OPCML: variants seen among roughly 807,000 people sequenced by gnomAD.
OPCML encodes opioid-binding protein/cell adhesion molecule.
Under a neutral mutation model 37.8 loss-of-function variants are expected in OPCML, and 13 were observed. The observed-to-expected ratio is 0.34, with a 90% CI of 0.22 to 0.55. The LOEUF (loss-of-function observed/expected upper bound fraction) is 0.55, where lower values mean the gene tolerates loss of function less well. Among genes scored for constraint, OPCML ranks in the 20% least tolerant of loss-of-function variants. The pLI is 0.91. For synonymous variants in OPCML, 176 were observed against 168.8 expected, an observed-to-expected ratio of 1.04 and a Z score of -0.33; for missense variants, 341 against 435.6, an observed-to-expected ratio of 0.78 and a Z score of 1.93.
intron 1 of OPCML, among the ~76,000 whole-genome samples, chr11:133,129,713 G>A (rs1592029681): frequency 6.6e-6 from 1 of 152,090 alleles, no homozygotes; most frequent in East Asian, 1.9e-4. Flanking sequence ...GACCAACCTG[G>A]GCAACATAGC....
At chr11:133,529,836 G>A (rs1324393806) in intron 1 of OPCML, among the ~76,000 whole-genome samples, 1 of 152,216 alleles carries the variant, frequency 6.6e-6, no homozygotes, top group African/African-American at 2.4e-5. Context: ...AGAGAAAGGA[G>A]AAGTCGCAAG....
intron 2 of OPCML, among the ~76,000 whole-genome samples, chr11:132,893,444 T>C (rs1003912364): frequency 6.6e-6 from 1 of 152,164 alleles, no homozygotes; most frequent in Non-Finnish European, 1.5e-5. Flanking sequence ...TGTGCTTTTG[T>C]TTGGTTCCCT....
At chr11:132,567,228 A>T (rs763208782) in intron 3 of OPCML, among the ~76,000 whole-genome samples, 1 of 152,108 alleles carries the variant, frequency 6.6e-6, no homozygotes, top group South Asian at 2.1e-4. Flanking sequence ...CCCAGTTCTC[A>T]TGGTGAAAAA....
chr11:133,506,340 G>A (rs776564948), intron 1 of OPCML, among the ~76,000 whole-genome samples: 2 of 152,170 alleles, frequency 1.3e-5, no homozygotes, highest in Non-Finnish European at 2.9e-5. Flanking sequence ...CCCTGAGAGG[G>A]TTACTTCCCT....
chr11:132,436,804 T>C (rs772967983), intron 5 of OPCML, 25 bp from the exon 6 acceptor site: 1 of 1,603,276 alleles, frequency 6.2e-7, no homozygotes, highest in Non-Finnish European at 8.5e-7. Flanking sequence ...CACACACACA[T>C]GCACAGGCAT....
chr11:132,672,585 G>A (rs1389304744), intron 2 of OPCML, among the ~76,000 whole-genome samples: 5 of 152,144 alleles, frequency 3.3e-5, no homozygotes, highest in Admixed American at 6.6e-5. Flanking sequence ...TTATTTTAGC[G>A]TAGCTCCAAG....
intron 2 of OPCML, among the ~76,000 whole-genome samples, chr11:132,895,811 T>A (rs1943817565): frequency 6.6e-6 from 1 of 152,056 alleles, no homozygotes; most frequent in Admixed American, 6.6e-5. Flanking sequence ...CCACCCCCCC[T>A]GCCCCTCTTT....
intron 1 of OPCML, among the ~76,000 whole-genome samples, chr11:133,102,230 A>G (rs544867056): frequency 6.6e-6 from 1 of 152,338 alleles, no homozygotes; most frequent in African/African-American, 2.4e-5. Flanking sequence ...AGTTAAATCA[A>G]TTTTATGAAA....
intron 3 of OPCML, among the ~76,000 whole-genome samples, chr11:132,553,138 C>T (rs1035459949): frequency 6.6e-5 from 10 of 152,158 alleles, no homozygotes; most frequent in South Asian, 2.1e-4. Context: ...ATTCAACTTA[C>T]GGTCTTTACC....
intron 4 of OPCML, among the ~76,000 whole-genome samples, chr11:132,481,369 C>G (rs1298565528): frequency 6.6e-6 from 1 of 151,872 alleles, no homozygotes; most frequent in African/African-American, 2.4e-5. Flanking sequence ...GAAGAGCTAA[C>G]TATCCTAAAT....
At chr11:133,350,602 C>T (rs1416092826) in intron 1 of OPCML, among the ~76,000 whole-genome samples, 1 of 152,186 alleles carries the variant, frequency 6.6e-6, no homozygotes, top group Non-Finnish European at 1.5e-5. Context: ...GAAAATCACA[C>T]TTTTCTCTCT....
chr11:132,821,231 C>G (rs1477886880), intron 2 of OPCML, among the ~76,000 whole-genome samples: 1 of 152,188 alleles, frequency 6.6e-6, no homozygotes, highest in African/African-American at 2.4e-5. Context: ...GAGATAACAT[C>G]AGGGCTGGGG....
chr11:133,145,749 C>T (rs1949888568), intron 1 of OPCML, among the ~76,000 whole-genome samples: 1 of 152,154 alleles, frequency 6.6e-6, no homozygotes, highest in Non-Finnish European at 1.5e-5. Context: ...TGGTGCTGTG[C>T]CCTCAGCTGT....
chr11:132,855,886 C>G (rs932482112), intron 2 of OPCML, among the ~76,000 whole-genome samples: 7 of 152,244 alleles, frequency 4.6e-5, no homozygotes, highest in African/African-American at 1.7e-4. Context: ...CTGACAAGAT[C>G]AGCTTCAAGA....
At chr11:132,540,284 G>A (rs893332182) in intron 3 of OPCML, among the ~76,000 whole-genome samples, 1 of 152,116 alleles carries the variant, frequency 6.6e-6, no homozygotes, top group African/African-American at 2.4e-5. Flanking sequence ...ACTCGACCGG[G>A]GATCCTTATA....
chr11:132,636,960 C>T (rs1181282221), intron 3 of OPCML, among the ~76,000 whole-genome samples: 1 of 152,152 alleles, frequency 6.6e-6, no homozygotes, highest in Non-Finnish European at 1.5e-5. Context: ...AATGTATCTG[C>T]ATTACTAGCT....
chr11:132,925,608 C>A (rs569604981), intron 2 of OPCML, among the ~76,000 whole-genome samples: 1 of 152,228 alleles, frequency 6.6e-6, no homozygotes, highest in Non-Finnish European at 1.5e-5. Context: ...ATCTAGTTTT[C>A]AGCCATCACT....
chr11:132,877,131 A>G, intron 2 of OPCML, among the ~76,000 whole-genome samples: 1 of 152,176 alleles, frequency 6.6e-6, no homozygotes, highest in East Asian at 1.9e-4. Context: ...TATATCCCAC[A>G]TAGTGAAAAG....
At chr11:132,825,860 C>G (rs1301096001) in intron 2 of OPCML, among the ~76,000 whole-genome samples, 2 of 152,140 alleles carry the variant, frequency 1.3e-5, no homozygotes, top group African/African-American at 4.8e-5. Flanking sequence ...GAATATGCCC[C>G]TGGGCCGATG....
Sources: allele counts gnomAD v4.1 joint callset (sites outside exome capture counted in the v4.1 genomes callset), GRCh38; gene constraint gnomAD v4.1.1; transcripts MANE v1.5; gene names NCBI Gene and HGNC (gene_info 2026-07-23, HGNC 2026-07-21).